CRYBA4: variants seen among roughly 807,000 people sequenced by gnomAD.
CRYBA4 encodes beta-crystallin A4.
A neutral mutation model predicts 31.7 loss-of-function variants in CRYBA4; 30 were observed. That is an observed-to-expected ratio of 0.95 (90% CI 0.71 to 1.28). CRYBA4 has a LOEUF of 1.28. CRYBA4 is among the 50% of genes most tolerant of loss of function. The pLI is 0.00. For missense variants in CRYBA4, 225 were observed against 260.7 expected (o/e 0.86, Z 0.94); for synonymous variants, 102 against 102.3 (o/e 1.00, Z 0.02).
the CRYBA4 span, among the ~76,000 whole-genome samples, chr22:26,614,063 C>T: frequency 2.0e-5 from 3 of 152,238 alleles, no homozygotes; most frequent in Non-Finnish European, 2.9e-5. Context: ...TTGGCCAGAC[C>T]GGTTGATCTC....
At chr22:26,611,489 A>G in the CRYBA4 span, among the ~76,000 whole-genome samples, 1 of 137,228 alleles carries the variant, frequency 7.3e-6, no homozygotes, top group East Asian at 2.1e-4. Context: ...TTTTTTTGAG[A>G]CGGAGTCTCG....
the CRYBA4 span, chr22:26,607,833 AC>A: frequency 6.9e-4 from 1,116 of 1,612,702 alleles, 18 homozygotes; most frequent in South Asian, 7.0e-3. Context: ...TCTCAGACTT[AC>A]ACCTGCCCTG....
upstream of CRYBA4, among the ~76,000 whole-genome samples, chr22:26,618,447 G>C (rs999468292): frequency 6.6e-6 from 1 of 152,188 alleles, no homozygotes; most frequent in Non-Finnish European, 1.5e-5. Context: ...TTATAAGGTG[G>C]GCACGTGTCC....
chr22:26,613,957 G>A, the CRYBA4 span, among the ~76,000 whole-genome samples: 10 of 152,134 alleles, frequency 6.6e-5, no homozygotes, highest in African/African-American at 1.9e-4. Context: ...GGGCGTGGTC[G>A]TCTCTTATGG....
At chr22:26,613,059 G>T in the CRYBA4 span, among the ~76,000 whole-genome samples, 1 of 152,156 alleles carries the variant, frequency 6.6e-6, no homozygotes, top group Non-Finnish European at 1.5e-5. Flanking sequence ...AGGGCCTGAG[G>T]TTGATCAATT....
At chr22:26,619,554 C>T (rs1045237154), upstream of CRYBA4, among the ~76,000 whole-genome samples, 1 of 152,130 alleles carries the variant, frequency 6.6e-6, no homozygotes, top group Non-Finnish European at 1.5e-5. Context: ...TCTTCTTTTT[C>T]GGGGTTCTAG....
At chr22:26,628,505 T>A in intron 5 of CRYBA4, 75 bp downstream of exon 5, 1 of 1,566,382 alleles carries the variant, frequency 6.4e-7, no homozygotes, top group Non-Finnish European at 8.7e-7. Flanking sequence ...GTGAAAACTG[T>A]GTGCTGGGGA....
intron 3 of CRYBA4, 109 bp from the exon 4 acceptor site, chr22:26,625,372 A>G: frequency 7.7e-7 from 1 of 1,292,362 alleles, no homozygotes. Context: ...CTGGGGGCAC[A>G]GTCACCCCTG....
the CRYBA4 span, among the ~76,000 whole-genome samples, chr22:26,610,500 C>T: frequency 1.3e-5 from 2 of 151,994 alleles, no homozygotes; most frequent in Admixed American, 6.6e-5. Context: ...TCACTGGTAC[C>T]AAAAAAAGCC....
At chr22:26,599,194 G>C in the CRYBA4 span, 3 of 430,988 alleles carry the variant, frequency 7.0e-6, no homozygotes, top group African/African-American at 2.0e-5. Flanking sequence ...CCCCTGCTAG[G>C]TGGAGCAAAC....
upstream of CRYBA4, among the ~76,000 whole-genome samples, chr22:26,617,552 T>C (rs1169687387): frequency 3.3e-5 from 5 of 152,124 alleles, no homozygotes; most frequent in South Asian, 1.0e-3. Flanking sequence ...GCTGGACTCA[T>C]GCCTTCCTGG....
In CRYBA4 at chr22:26,627,394, TTC is replaced by T. The variant is rs1156308593; in HGVS notation, c.301-892_301-891del. Among the ~76,000 whole-genome samples, 48 of 89,790 alleles carry T rather than the reference TTC, an allele frequency of 5.3e-4. 2 individuals carry two copies. The highest frequency in any genetic ancestry group is 2.9e-3 in the African/African-American group (42 of 14,432). 58.9% of individuals were successfully genotyped at this position (89,790 alleles called of 152,430 possible). On this transcript the variant is annotated intron_variant, in intron 4 of 5. Coordinates refer to ENST00000354760, the MANE Select transcript of CRYBA4 (RefSeq NM_001886.3). ...TTTCTTTCTTTCTTTCTTTCTTTCT[TTC>T]TTTCTTTCTTTCTTTCTTTCTTTCT... is the stretch of plus-strand genomic sequence containing the variant.
chr22:26,619,824 C>G (rs1013749891), upstream of CRYBA4, among the ~76,000 whole-genome samples: 1 of 152,214 alleles, frequency 6.6e-6, no homozygotes, highest in Non-Finnish European at 1.5e-5. Context: ...TTCCGTGCCC[C>G]CCCTAAAGCC....
the CRYBA4 span, among the ~76,000 whole-genome samples, chr22:26,595,855 CT>C: frequency 6.6e-6 from 1 of 152,132 alleles, no homozygotes; most frequent in Non-Finnish European, 1.5e-5. Context: ...TTACTGCTGC[CT>C]GGAACTCCTG....
chr22:26,616,967 C>T (rs965469629), upstream of CRYBA4, among the ~76,000 whole-genome samples: 18 of 152,232 alleles, frequency 1.2e-4, no homozygotes, highest in African/African-American at 4.3e-4. Flanking sequence ...CCATCCCTAA[C>T]ACTTGCTCTG....
the CRYBA4 span, among the ~76,000 whole-genome samples, chr22:26,609,643 A>G: frequency 4.6e-5 from 7 of 152,286 alleles, no homozygotes; most frequent in African/African-American, 1.4e-4. Context: ...TGGATAGATC[A>G]ATAGACGAAT....
chr22:26,590,387 C>G, the CRYBA4 span, among the ~76,000 whole-genome samples: 9 of 152,270 alleles, frequency 5.9e-5, no homozygotes, highest in African/African-American at 2.2e-4. Flanking sequence ...AAGAGAAGTT[C>G]CTTTCTGCCT....
the CRYBA4 span, among the ~76,000 whole-genome samples, chr22:26,600,285 C>A: frequency 6.6e-6 from 1 of 151,912 alleles, no homozygotes; most frequent in Non-Finnish European, 1.5e-5. Context: ...ACCTGTAGTC[C>A]CAGCTACTCG....
chr22:26,621,314 C>T (rs1364584648), upstream of CRYBA4, among the ~76,000 whole-genome samples: 2 of 152,222 alleles, frequency 1.3e-5, no homozygotes, highest in Non-Finnish European at 2.9e-5. Flanking sequence ...CCTTCAGGTC[C>T]CCTGAGCTCC....
Sources: allele counts gnomAD v4.1 joint callset (sites outside exome capture counted in the v4.1 genomes callset), GRCh38; gene constraint gnomAD v4.1.1; transcripts MANE v1.5; gene names NCBI Gene and HGNC (gene_info 2026-07-23, HGNC 2026-07-21).